BMP5: variants seen among roughly 807,000 people sequenced by gnomAD.
BMP5 encodes bone morphogenetic protein 5.
A neutral mutation model predicts 46.6 loss-of-function variants in BMP5; 23 were observed. The observed-to-expected ratio is 0.49, with a 90% confidence interval of 0.35 to 0.70. The LOEUF (loss-of-function observed/expected upper bound fraction) is 0.70, where lower values mean the gene tolerates loss of function less well. Ranked by LOEUF, BMP5 falls within the 30% of genes least tolerant of loss-of-function variation. The probability of loss-of-function intolerance (pLI) is 0.00; values close to 1 mark genes in which losing one functional copy is unlikely to be tolerated. For synonymous variants in BMP5, 204 were observed against 191.9 expected (o/e 1.06, Z -0.52); for missense variants, 545 against 565.6 (o/e 0.96, Z 0.37).
chr6:55,868,105 T>C (rs1165977743), intron 1 of BMP5, among the ~76,000 whole-genome samples: 3 of 152,344 alleles, frequency 2.0e-5, no homozygotes, highest in African/African-American at 7.2e-5. Flanking sequence ...CATGTCATTA[T>C]AGCATTAAAA....
At chr6:55,874,005 C>T (rs898636653) in intron 1 of BMP5, among the ~76,000 whole-genome samples, 1 of 151,754 alleles carries the variant, frequency 6.6e-6, no homozygotes, top group Admixed American at 6.6e-5. Flanking sequence ...AAAGTGCTTC[C>T]GAATGTCACT....
At chr6:55,776,313 A>G (rs185820588) in intron 3 of BMP5, among the ~76,000 whole-genome samples, 67 of 152,084 alleles carry the variant, frequency 4.4e-4, no homozygotes, top group African/African-American at 1.6e-3. Context: ...CTGTAAAAAG[A>G]GAAATTAGAA....
intron 3 of BMP5, 72 bp downstream of exon 3, chr6:55,794,207 T>A: frequency 6.6e-7 from 1 of 1,516,952 alleles, no homozygotes; most frequent in Non-Finnish European, 9.1e-7. Context: ...ATTGGTTATA[T>A]CACATAAAAA....
chr6:55,779,820 A>T (rs1379972233), intron 3 of BMP5, among the ~76,000 whole-genome samples: 1 of 151,964 alleles, frequency 6.6e-6, no homozygotes, highest in Non-Finnish European at 1.5e-5. Context: ...CACAAACAGA[A>T]ATTTAGCGTT....
At chr6:55,853,590 A>G (rs1056365432) in intron 1 of BMP5, among the ~76,000 whole-genome samples, 2 of 152,200 alleles carry the variant, frequency 1.3e-5, no homozygotes, top group African/African-American at 4.8e-5. Context: ...AACAGTGTCA[A>G]TGACAAAATA....
intron 4 of BMP5, 90 bp from the exon 5 acceptor site, chr6:55,760,623 G>C: frequency 8.7e-7 from 1 of 1,152,464 alleles, no homozygotes; most frequent in Non-Finnish European, 1.3e-6. Context: ...TTTTTTAAAG[G>C]GGTTTTATTT....
intron 1 of BMP5, among the ~76,000 whole-genome samples, chr6:55,858,408 A>G (rs558703880): frequency 1.3e-5 from 2 of 151,136 alleles, no homozygotes; most frequent in Admixed American, 6.6e-5. Flanking sequence ...CAAACAACAG[A>G]AAAAAAAGTA....
intron 4 of BMP5, among the ~76,000 whole-genome samples, chr6:55,764,878 T>C (rs927184019): frequency 2.0e-5 from 3 of 152,114 alleles, no homozygotes; most frequent in Admixed American, 2.0e-4. Flanking sequence ...AGTTGTAGTG[T>C]TCGATAATAG....
At chr6:55,865,462 G>T (rs1245390746) in intron 1 of BMP5, 6 of 488,010 alleles carry the variant, frequency 1.2e-5, no homozygotes, top group Non-Finnish European at 2.5e-5. Flanking sequence ...GTTGCTTTTG[G>T]GTCCTCAGAG....
intron 3 of BMP5, among the ~76,000 whole-genome samples, chr6:55,786,321 G>A (rs1375976923): frequency 3.3e-5 from 5 of 151,690 alleles, no homozygotes; most frequent in Admixed American, 3.3e-4. Flanking sequence ...GATGCAGCAA[G>A]GTTGTAAGTG....
Position 55,759,124 on chromosome 6 carries a change from TACACAC to T in BMP5, c.1105-15_1105-10del. 4.6e-6 allele frequency: 2 copies of T among 437,138 alleles called. No individual in the cohort carries two copies. Among genetic ancestry groups the T allele is most frequent in the South Asian group, 1.7e-5 (1 of 60,058 alleles). The allele number at this position is 437,138 out of a possible 1,614,324, so 27.1% of individuals were successfully genotyped here. A position where few individuals can be genotyped will look rare whatever the true frequency, so the allele number is the denominator to read the frequency against. On this transcript the variant is annotated splice_polypyrimidine_tract_variant and intron_variant, in intron 5 of 6. Coordinates refer to ENST00000370830, the MANE Select transcript of BMP5 (RefSeq NM_021073.4). ...GGTGCTATAATCCAGTCCTGACACA[TACACAC>T]ACACACACACACACAAAAAAAAAAA...
At chr6:55,756,605 C>T (rs1774608889) in intron 6 of BMP5, among the ~76,000 whole-genome samples, 1 of 151,956 alleles carries the variant, frequency 6.6e-6, no homozygotes, top group African/African-American at 2.4e-5. Context: ...ACGGGATCCA[C>T]AAAAAGCAAA....
chr6:55,864,276 T>C (rs186870567), intron 1 of BMP5, among the ~76,000 whole-genome samples: 1 of 152,206 alleles, frequency 6.6e-6, no homozygotes, highest in African/African-American at 2.4e-5. Flanking sequence ...ATGTTGAAAG[T>C]TGATTCCCAA....
chr6:55,833,192 C>T (rs920155518), intron 1 of BMP5, among the ~76,000 whole-genome samples: 1 of 152,148 alleles, frequency 6.6e-6, no homozygotes, highest in Non-Finnish European at 1.5e-5. Context: ...ATCTGCATGG[C>T]ATTGACCACA....
chr6:55,863,627 T>A (rs1582130198), intron 1 of BMP5, among the ~76,000 whole-genome samples: 1 of 152,202 alleles, frequency 6.6e-6, no homozygotes, highest in Admixed American at 6.5e-5. Context: ...AAATTTTATA[T>A]ACGATAAGCA....
intron 3 of BMP5, among the ~76,000 whole-genome samples, chr6:55,780,195 G>T (rs555175761): frequency 7.0e-6 from 1 of 142,030 alleles, no homozygotes; most frequent in East Asian, 2.1e-4. Flanking sequence ...ACAAGCATAG[G>T]ATTCTGTGGC....
At chr6:55,789,014 C>T (rs1223653972) in intron 3 of BMP5, among the ~76,000 whole-genome samples, 1 of 151,312 alleles carries the variant, frequency 6.6e-6, no homozygotes, top group African/African-American at 2.4e-5. Context: ...GACTTTAAAC[C>T]TGAAGTTTTA....
At position 55,819,763 on chromosome 6, in the gene BMP5, G is replaced by A. The variant is rs1387035739; in HGVS notation, c.575C>T (p.Ala192Val). ...TATCCGGAATTCAGCTGCTGTCACT[G>A]CCTCTCCATGAGGAATTTGGGTAAG... ...FDLTQIPHGE[A>V]VTAAEFRIYK... The change falls in exon 2 of 7, where the codon GCA becomes GTA. Residue 192 changes from alanine (A) to valine (V), a missense_variant. Physicochemically the swap from Ala to Val is moderately conservative, Grantham distance 64. Coordinates refer to ENST00000370830, the MANE Select transcript of BMP5 (RefSeq NM_021073.4). 1 of 1,613,484 alleles carries A rather than the reference G, an allele frequency of 6.2e-7. No homozygotes were observed. The highest frequency in any genetic ancestry group is 8.5e-7 in the Non-Finnish European group (1 of 1,179,708).
At chr6:55,818,506 T>C (rs1209276473) in intron 2 of BMP5, among the ~76,000 whole-genome samples, 1 of 152,118 alleles carries the variant, frequency 6.6e-6, no homozygotes, top group Non-Finnish European at 1.5e-5. Context: ...CCAAATTAGA[T>C]TGTATTTAAT....
Sources: gnomAD v4.1 joint callset for allele counts (sites outside exome capture counted in the v4.1 genomes callset) on GRCh38, gnomAD v4.1.1 for gene constraint, MANE v1.5 for transcripts, NCBI Gene and HGNC (gene_info 2026-07-23, HGNC 2026-07-21) for gene names.